The following KCNH1 variants were observed in gnomAD, a reference collection of about 807,000 sequenced individuals.
KCNH1 encodes potassium voltage-gated channel subfamily H member 1.
Under a neutral mutation model 69.2 loss-of-function variants are expected in KCNH1, and 27 were observed. The observed-to-expected ratio is 0.39, with a 90% CI of 0.29 to 0.54. The LOEUF (loss-of-function observed/expected upper bound fraction) is 0.54, where lower values mean the gene tolerates loss of function less well. KCNH1 is among the 20% of genes least tolerant of loss of function. The pLI is 0.68. For synonymous variants in KCNH1, 456 were observed against 487.7 expected (o/e 0.93, Z 0.86); for missense variants, 798 against 1,261.6 (o/e 0.63, Z 5.57).
At chr1:210,760,790 T>C (rs1013449217) in intron 10 of KCNH1, among the ~76,000 whole-genome samples, 1 of 152,180 alleles carries the variant, frequency 6.6e-6, no homozygotes, top group African/African-American at 2.4e-5. Context: ...TCATGAGACT[T>C]ATTCACTATC....
chr1:210,718,190 A>C (rs1682310803), intron 10 of KCNH1, among the ~76,000 whole-genome samples: 1 of 146,488 alleles, frequency 6.8e-6, no homozygotes, highest in Non-Finnish European at 1.5e-5. Flanking sequence ...TATGTCCAAA[A>C]TATAATACTC....
At chr1:210,712,490 C>T (rs1329478219) in intron 10 of KCNH1, among the ~76,000 whole-genome samples, 3 of 152,206 alleles carry the variant, frequency 2.0e-5, no homozygotes, top group African/African-American at 7.2e-5. Flanking sequence ...AGAAAAATGC[C>T]TTCAGGCTGT....
At chr1:211,123,938 G>GA (rs1237460715) in intron 1 of KCNH1, among the ~76,000 whole-genome samples, 1 of 152,102 alleles carries the variant, frequency 6.6e-6, no homozygotes, top group Non-Finnish European at 1.5e-5. Context: ...AGCTGGAGGG[G>GA]AGGAGACATT....
chr1:210,770,345 A>C (rs1203036358), intron 10 of KCNH1, among the ~76,000 whole-genome samples: 2 of 152,216 alleles, frequency 1.3e-5, no homozygotes, highest in Non-Finnish European at 2.9e-5. Flanking sequence ...TACGTTCTGC[A>C]CATGTATCCC....
rs188549098 is a variant in KCNH1, at chr1:210,843,976, C to T, written c.1463-39810G>A. 7.0e-4 allele frequency among the ~76,000 whole-genome samples: 107 copies of T among 152,212 alleles called. No individual in the cohort carries two copies. In the East Asian group the frequency reaches 0.019, roughly 27 times the overall value. The stretch of plus-strand genomic sequence containing the variant: ...TCAATATATCAACTAATAATTTTTT[C>T]CCAAAGATGCTGATTTACTGATGAG... On this transcript the variant is annotated intron_variant, in intron 7 of 10. Coordinates refer to ENST00000271751, the MANE Select transcript of KCNH1 (RefSeq NM_172362.3).
At chr1:211,099,233 C>T (rs2102480078) in intron 3 of KCNH1, among the ~76,000 whole-genome samples, 1 of 151,714 alleles carries the variant, frequency 6.6e-6, no homozygotes, top group East Asian at 1.9e-4. Context: ...GTAAAATGTA[C>T]ACAGACAAAA....
At chr1:210,825,226 G>A (rs542798165) in intron 7 of KCNH1, among the ~76,000 whole-genome samples, 2 of 152,284 alleles carry the variant, frequency 1.3e-5, no homozygotes, top group African/African-American at 4.8e-5. Context: ...CAACAGCTAC[G>A]TCAGCTTGGA....
chr1:210,685,188 A>G (rs1223831788), intron 10 of KCNH1, among the ~76,000 whole-genome samples: 1 of 152,212 alleles, frequency 6.6e-6, no homozygotes, highest in African/African-American at 2.4e-5. Context: ...TTTCTAGCTT[A>G]CATTGCATGT....
At chr1:210,746,492 C>G (rs1241848047) in intron 10 of KCNH1, among the ~76,000 whole-genome samples, 2 of 152,168 alleles carry the variant, frequency 1.3e-5, no homozygotes, top group African/African-American at 2.4e-5. Flanking sequence ...CTCTCTTCTA[C>G]TCCCCATAGC....
intron 1 of KCNH1, among the ~76,000 whole-genome samples, chr1:211,123,824 A>T (rs894604825): frequency 6.6e-6 from 1 of 152,052 alleles, no homozygotes; most frequent in African/African-American, 2.4e-5. Flanking sequence ...CTGAGGGGAG[A>T]GAATGAGACC....
chr1:210,977,873 G>C (rs2102374273), intron 6 of KCNH1, among the ~76,000 whole-genome samples: 1 of 152,136 alleles, frequency 6.6e-6, no homozygotes, highest in South Asian at 2.1e-4. Flanking sequence ...AGGGTAAGTA[G>C]CATACCTATC....
chr1:211,056,254 G>C (rs187560918), intron 5 of KCNH1, among the ~76,000 whole-genome samples: 7 of 151,454 alleles, frequency 4.6e-5, no homozygotes, highest in Non-Finnish European at 1.0e-4. Flanking sequence ...AGTGAACATC[G>C]GCAGTAGCCA....
chr1:210,917,229 G>GAGAGAGAGAGAAAGAA (rs1430374011), intron 7 of KCNH1, among the ~76,000 whole-genome samples: 1 of 78,798 alleles, frequency 1.3e-5, no homozygotes, highest in African/African-American at 5.2e-5. Flanking sequence ...GAGAGAGAGA[G>GAGAGAGAGAGAAAGAA]AGAAAGAAAG....
chr1:210,692,710 G>C (rs546220858), intron 10 of KCNH1, among the ~76,000 whole-genome samples: 32 of 152,246 alleles, frequency 2.1e-4, no homozygotes, highest in Non-Finnish European at 4.3e-4. Flanking sequence ...GGAAGACGGA[G>C]GAGATACTGG....
At chr1:210,760,788 C>G (rs61829490) in intron 10 of KCNH1, among the ~76,000 whole-genome samples, 20,919 of 152,104 alleles carry the variant, frequency 0.14, 1,493 homozygotes, top group Non-Finnish European at 0.16. Flanking sequence ...TCTCATGAGA[C>G]TTATTCACTA....
chr1:210,795,035 G>A (rs1447433294), intron 9 of KCNH1, among the ~76,000 whole-genome samples: 1 of 152,190 alleles, frequency 6.6e-6, no homozygotes, highest in African/African-American at 2.4e-5. Flanking sequence ...ACTCTGGTCT[G>A]CAGGGTTCAG....
chr1:211,008,023 A>G (rs1689317289), intron 6 of KCNH1, among the ~76,000 whole-genome samples: 1 of 152,244 alleles, frequency 6.6e-6, no homozygotes, highest in African/African-American at 2.4e-5. Context: ...TAGAATTATC[A>G]TATGACTCAG....
intron 7 of KCNH1, among the ~76,000 whole-genome samples, chr1:210,915,262 C>G (rs888737609): frequency 6.6e-6 from 1 of 152,170 alleles, no homozygotes; most frequent in Non-Finnish European, 1.5e-5. Context: ...CTATCCACCT[C>G]CATCACCCAG....
At chr1:211,100,339 T>C (rs1462971817) in intron 3 of KCNH1, among the ~76,000 whole-genome samples, 1 of 152,158 alleles carries the variant, frequency 6.6e-6, no homozygotes, top group Non-Finnish European at 1.5e-5. Flanking sequence ...TTACTTCTCA[T>C]GTATTTATAC....
Sources: allele counts gnomAD v4.1 joint callset (sites outside exome capture counted in the v4.1 genomes callset), GRCh38; gene constraint gnomAD v4.1.1; transcripts MANE v1.5; gene names NCBI Gene and HGNC (gene_info 2026-07-23, HGNC 2026-07-21).